PRR12: variants seen among roughly 807,000 people sequenced by gnomAD.
PRR12 encodes the protein proline rich 12, also known as proline-rich protein 12.
In PRR12, 12 loss-of-function variants were observed where a neutral mutation model predicts 138.0. The ratio of observed to expected loss-of-function variants is 0.09; its 90% CI spans 0.06 to 0.14. The LOEUF (loss-of-function observed/expected upper bound fraction) is 0.14. PRR12 is among the 10% of genes least tolerant of loss of function. The probability of loss-of-function intolerance (pLI) is 1.00; values close to 1 mark genes in which losing one functional copy is unlikely to be tolerated. For synonymous variants in PRR12, 1,567 were observed against 1,291.7 expected, an observed-to-expected ratio of 1.21 and a Z score of -4.57; for missense variants, 2,692 against 2,861.3, an observed-to-expected ratio of 0.94 and a Z score of 1.35.
At chr19:49,620,962 C>T in intron 10 of PRR12, among the ~76,000 whole-genome samples, 2 of 129,408 alleles carry the variant, frequency 1.5e-5, no homozygotes, top group Non-Finnish European at 3.2e-5. Flanking sequence ...GCCTGGACTC[C>T]TGGGTCTGAG....
At chr19:49,607,706 T>A (rs1406946799) in intron 6 of PRR12, among the ~76,000 whole-genome samples, 1 of 143,770 alleles carries the variant, frequency 7.0e-6, no homozygotes, top group Non-Finnish European at 1.5e-5. Context: ...AGACCCTGTC[T>A]CAAAAAGAAA....
At position 49,601,707 on chromosome 19, in the gene PRR12, C is replaced by T. The variant is rs1424007363; in HGVS notation, c.4562C>T (p.Ala1521Val). Residue 1521 changes from alanine to valine, a missense_variant, in exon 6 of 14, where the codon GCC becomes GTC. Physicochemically the swap from Ala to Val is moderately conservative, Grantham distance 64 (BLOSUM62 0). This residue lies in a region of PRR12 where 231 missense variants were observed against 200.8 expected (regional missense o/e 1.15). Coordinates refer to ENST00000418929, the MANE Select transcript of PRR12 (RefSeq NM_020719.3). ...CCACCACCACCCCCACCAGCCGCTG[C>T]CCCACTGGCTGCTCCTCCTGAGGAG... is the stretch of plus-strand genomic sequence containing the variant. Reference protein sequence around the residue: ...SPPPPPPPAAAPLAAPPEEPA... With the variant: ...SPPPPPPPAAVPLAAPPEEPA... 1 of 1,542,012 alleles carries T rather than the reference C, an allele frequency of 6.5e-7. No homozygotes were observed. Among genetic ancestry groups the T allele is most frequent in the South Asian group, 1.2e-5 (1 of 83,930 alleles).
At position 49,595,682 on chromosome 19, in the gene PRR12, A is replaced by G. The variant is rs2080762746; in HGVS notation, c.1347A>G (p.Gln449=). 3 of 1,595,566 alleles carry G rather than the reference A, an allele frequency of 1.9e-6. No homozygotes were observed. The highest frequency in any genetic ancestry group is 1.3e-5 in the African/African-American group (1 of 74,320). ...AGGCTTATTCCCCCGGTCAGCCTCA[A>G]GGGCTTCTGGGACCCCAGGCCTACG... ...GGQAYSPGQP[Q]GLLGPQAYGQ... Residue 449 remains glutamine (Q), a synonymous_variant, in exon 4 of 14, where the codon CAA becomes CAG. Transcript: ENST00000418929.
In PRR12 at chr19:49,625,263, T is replaced by G; in HGVS notation, c.5964+63T>G. ...CAACCTTTCTGACTTCCTCTTGGGATCTGAGGGTCCAAGCCCAGCCCCATC... is the reference window on the plus strand; with the variant it reads ...CAACCTTTCTGACTTCCTCTTGGGAGCTGAGGGTCCAAGCCCAGCCCCATC... On this transcript the variant is annotated intron_variant, in intron 13 of 13. Coordinates refer to ENST00000418929, the MANE Select transcript of PRR12 (RefSeq NM_020719.3). The surrounding 1 kb of genome is among the most constrained non-coding windows in gnomAD (Gnocchi z 5.5). 4 of 1,556,200 alleles carry G rather than the reference T, an allele frequency of 2.6e-6. No homozygotes were observed. The highest frequency in any genetic ancestry group is 3.5e-6 in the Non-Finnish European group (4 of 1,131,816).
chr19:49,593,049 C>A (rs1341542139), intron 1 of PRR12, among the ~76,000 whole-genome samples: 1 of 152,136 alleles, frequency 6.6e-6, no homozygotes, highest in Non-Finnish European at 1.5e-5. Flanking sequence ...GGACCCTCTT[C>A]TGTGTGTTAG....
At position 49,599,273 on chromosome 19, in the gene PRR12, T is replaced by A; in HGVS notation, c.3680T>A (p.Ile1227Asn). The part of the protein sequence containing the change: ...TRLEPLKPLK[I>N]KLSVPKAGEG... ...ACGGCCCGCCACTCCCATGTCTAGA[T>A]CAAGCTGTCTGTGCCCAAGGCTGGC... Residue 1227 changes from isoleucine to asparagine, a missense_variant and splice_region_variant, in exon 5 of 14, where the codon ATC (isoleucine) becomes AAC (asparagine). Physicochemically the swap from Ile to Asn is moderately radical, Grantham distance 149 (BLOSUM62 -3). Transcript: ENST00000418929. The surrounding 1 kb of genome is among the most constrained non-coding windows in gnomAD (Gnocchi z 5.0). The A allele has an allele frequency of 6.3e-7, 1 of 1,592,808 alleles. No homozygotes were observed. The highest frequency in any genetic ancestry group is 8.6e-7 in the Non-Finnish European group (1 of 1,168,372).
chr19:49,614,988 A>G lies in PRR12; in HGVS notation c.5003A>G (p.His1668Arg), dbSNP rs2080883947. Residue 1668 changes from histidine (H) to arginine (R), a missense_variant, in exon 8 of 14, where the codon CAT (histidine) becomes CGT (arginine). This residue lies in a region of PRR12 where 259 missense variants were observed against 265.1 expected (regional missense o/e 0.98). Coordinates refer to ENST00000418929, the MANE Select transcript of PRR12 (RefSeq NM_020719.3). This position sits in a 1 kb window ranked among gnomAD's most constrained non-coding sequence, Gnocchi z 5.0. ...YVRVCARKPW[H>R]RPPVPVRRSG... Reference sequence around the variant, plus strand: ...AGGGTCTGTGCTCGGAAACCCTGGCATCGGCCCCCAGTGCCAGTCAGGTAC... The same window carrying G: ...AGGGTCTGTGCTCGGAAACCCTGGCGTCGGCCCCCAGTGCCAGTCAGGTAC... 2 of 1,613,868 alleles carry G rather than the reference A, an allele frequency of 1.2e-6. No individual in the cohort carries two copies. Among genetic ancestry groups the G allele is most frequent in the East Asian group, 2.2e-5 (1 of 44,890 alleles).
rs1384900473 is a variant in PRR12 at position 49,597,334 on chromosome 19, G to A, written c.2999G>A (p.Gly1000Glu). 2.6e-6 allele frequency: 4 copies of A among 1,543,264 alleles called. No homozygotes were observed. The highest frequency in any genetic ancestry group is 2.4e-5 in the East Asian group (1 of 41,114). Reference sequence around the variant, plus strand: ...CCCTACTGTCCTGGCCGGGCGTCGGGAGCCGGGCCCGAGACACCGGGCCTG... The same window carrying A: ...CCCTACTGTCCTGGCCGGGCGTCGGAAGCCGGGCCCGAGACACCGGGCCTG... ...YGPYCPGRASGAGPETPGLGL... is the reference protein window; with the variant it reads ...YGPYCPGRASEAGPETPGLGL... The change falls in exon 4 of 14, where the codon GGA (glycine) becomes GAA (glutamate). Residue 1000 changes from glycine to glutamate, a missense_variant. Gly to Glu is a moderately conservative substitution (Grantham distance 98). Coordinates refer to ENST00000418929, the MANE Select transcript of PRR12 (RefSeq NM_020719.3). This position sits in a 1 kb window ranked among gnomAD's most constrained non-coding sequence, Gnocchi z 6.3.
In PRR12 at chr19:49,616,316, T is replaced by C. The variant is rs937433666; in HGVS notation, c.5497+97T>C. 1.7e-5 allele frequency: 19 copies of C among 1,091,546 alleles called. No individual in the cohort carries two copies. Among genetic ancestry groups the C allele is most frequent in the Non-Finnish European group, 2.3e-5 (18 of 781,342 alleles). The allele number at this position is 1,091,546 out of a possible 1,614,324, so 67.6% of individuals were successfully genotyped here. ...GCTCCAGGTAGCCTTGGCAGGACAG[T>C]AAGAACCAGTATGTTACAGATAATG... On this transcript the variant is annotated intron_variant, in intron 9 of 13. Coordinates refer to ENST00000418929, the MANE Select transcript of PRR12 (RefSeq NM_020719.3). This position sits in a 1 kb window ranked among gnomAD's most constrained non-coding sequence, Gnocchi z 4.2.
intron 11 of PRR12, 122 bp downstream of exon 11, chr19:49,621,744 T>C (rs2080924759): frequency 2.5e-6 from 2 of 802,258 alleles, no homozygotes; most frequent in South Asian, 1.6e-5. Context: ...TGGGCTCAGA[T>C]GGGAGAAAAG....
At position 49,615,845 on chromosome 19, in the gene PRR12, AGAC is replaced by A; in HGVS notation, c.5127_5129del (p.Thr1710del). 6.2e-7 allele frequency: 1 copy of A among 1,609,230 alleles called. No individual in the cohort carries two copies. Among genetic ancestry groups the A allele is most frequent in the Non-Finnish European group, 8.5e-7 (1 of 1,177,994 alleles). Reference sequence around the variant, plus strand: ...CCTCCCAAGCCTGAGACCCCTGAAAAGACGACATCTGAGAAGCCCCCAGAGCAG... The same window carrying A: ...CCTCCCAAGCCTGAGACCCCTGAAAAGACATCTGAGAAGCCCCCAGAGCAG... On this transcript the variant is annotated inframe_deletion, in exon 9 of 14. Transcript: ENST00000418929.
chr19:49,594,922 C>T lies in PRR12; in HGVS notation c.587C>T (p.Ala196Val). The T allele has an allele frequency of 6.2e-7, 1 of 1,607,220 alleles. No individual in the cohort carries two copies. The highest frequency in any genetic ancestry group is 8.5e-7 in the Non-Finnish European group (1 of 1,177,396). Residue 196 changes from alanine to valine, a missense_variant, in exon 4 of 14, where the codon GCA becomes GTA. Ala to Val is a moderately conservative substitution (Grantham distance 64). Around this residue, in one of 11 missense-constraint regions of PRR12, gnomAD observed 523 missense variants for 496.4 expected, o/e 1.05. Coordinates refer to ENST00000418929, the MANE Select transcript of PRR12 (RefSeq NM_020719.3). The surrounding 1 kb of genome is among the most constrained non-coding windows in gnomAD (Gnocchi z 5.6). ...GTGCTGCACCTGAAGCCCTCGCAGG[C>T]ACCCACGGTGCCCTCTTCACTGGGC... ...HDVLHLKPSQ[A>V]PTVPSSLGFE...
In PRR12 at chr19:49,594,002, C is replaced by T. The variant is rs912672650; in HGVS notation, c.200-452C>T. 6.6e-6 allele frequency among the ~76,000 whole-genome samples: 1 copy of T among 152,082 alleles called. No homozygotes were observed. Among genetic ancestry groups the T allele is most frequent in the Non-Finnish European group, 1.5e-5 (1 of 68,008 alleles). Reference sequence around the variant, plus strand: ...TTGGCTCCTTCCCTTTTTCCCTCCCCATCTTTTTTTCTGAACCCTCCCACT... The same window carrying T: ...TTGGCTCCTTCCCTTTTTCCCTCCCTATCTTTTTTTCTGAACCCTCCCACT... On this transcript the variant is annotated intron_variant, in intron 2 of 13. Coordinates refer to ENST00000418929, the MANE Select transcript of PRR12 (RefSeq NM_020719.3). This position sits in a 1 kb window ranked among gnomAD's most constrained non-coding sequence, Gnocchi z 5.6.
At chr19:49,607,836 T>A (rs918976722) in intron 6 of PRR12, among the ~76,000 whole-genome samples, 1 of 151,934 alleles carries the variant, frequency 6.6e-6, no homozygotes, top group Non-Finnish European at 1.5e-5. Context: ...CTGGTCAACA[T>A]AGTGAAACAC....
In PRR12 at chr19:49,616,493, G is replaced by A. The variant is rs1479775466; in HGVS notation, c.5497+274G>A. Among the ~76,000 whole-genome samples the A allele has an allele frequency of 1.3e-5, 2 of 152,138 alleles. No individual in the cohort carries two copies. The highest frequency in any genetic ancestry group is 2.4e-5 in the African/African-American group (1 of 41,442). On this transcript the variant is annotated intron_variant, in intron 9 of 13. Transcript: ENST00000418929. This position sits in a 1 kb window ranked among gnomAD's most constrained non-coding sequence, Gnocchi z 4.2. ...GAGGAAGCTGAGGCTCCAAGAGAGG[G>A]CAGCACAGTCTGTGTTGGGTGCCCA...
intron 6 of PRR12, among the ~76,000 whole-genome samples, chr19:49,610,779 G>A (rs1390487760): frequency 2.0e-5 from 3 of 151,194 alleles, no homozygotes; most frequent in Admixed American, 6.6e-5. Context: ...TCCTGACCTC[G>A]TGATCCGCCC....
intron 5 of PRR12, among the ~76,000 whole-genome samples, chr19:49,600,745 AGT>A (rs1306266557): frequency 6.7e-6 from 1 of 150,158 alleles, no homozygotes; most frequent in Non-Finnish European, 1.5e-5. Context: ...CCCAGGCTGG[AGT>A]GTGGAGTGCA....
At chr19:49,615,085 A>T in intron 8 of PRR12, 76 bp downstream of exon 8, 1 of 1,577,286 alleles carries the variant, frequency 6.3e-7, no homozygotes, top group Non-Finnish European at 8.6e-7. Context: ...GCAAGAGAGA[A>T]GGCTGGAGAG....
Position 49,596,843 on chromosome 19 carries a change from T to TACA in PRR12, c.2508_2509insACA (p.Pro836_Pro837insThr). 5 of 1,546,750 alleles carry TACA rather than the reference T, an allele frequency of 3.2e-6. No individual in the cohort carries two copies. The highest frequency in any genetic ancestry group is 4.4e-6 in the Non-Finnish European group (5 of 1,148,744). On this transcript the variant is annotated inframe_insertion, in exon 4 of 14. Coordinates refer to ENST00000418929, the MANE Select transcript of PRR12 (RefSeq NM_020719.3). This position sits in a 1 kb window ranked among gnomAD's most constrained non-coding sequence, Gnocchi z 5.6. ...CCCGCGATGGGGCACCCCAGCCACC[T>TACA]CCACCGCCACCCCCGCCTCCACCAC...
Sources: allele counts gnomAD v4.1 joint callset (sites outside exome capture counted in the v4.1 genomes callset), GRCh38; gene constraint gnomAD v4.1.1; regional missense constraint gnomAD v4.1.1; non-coding constraint Gnocchi (gnomAD v3.1); transcripts MANE v1.5; gene names NCBI Gene and HGNC (gene_info 2026-07-23, HGNC 2026-07-21).